Variants in ZNF521 observed in about 807,000 individuals in gnomAD.
ZNF521 encodes LYST-interacting protein 3.
A neutral mutation model predicts 105.5 loss-of-function variants in ZNF521; 14 were observed. That is an observed-to-expected ratio of 0.13 (90% CI 0.09 to 0.21). The LOEUF is 0.21. ZNF521 is among the 10% of genes least tolerant of loss of function. The pLI, the probability that ZNF521 is intolerant of heterozygous loss-of-function variation, is 1.00. For synonymous variants in ZNF521, 635 were observed against 606.0 expected, an observed-to-expected ratio of 1.05 and a Z score of -0.70; for missense variants, 1,233 against 1,629.7, an observed-to-expected ratio of 0.76 and a Z score of 4.19.
chr18:25,211,858 A>G (rs1443068343), intron 4 of ZNF521, among the ~76,000 whole-genome samples: 2 of 152,344 alleles, frequency 1.3e-5, no homozygotes, highest in East Asian at 1.9e-4. Flanking sequence ...CCTTTCACAC[A>G]TCTGTCTTTA....
chr18:25,161,433 T>A (rs2035249688), intron 5 of ZNF521, among the ~76,000 whole-genome samples: 1 of 152,046 alleles, frequency 6.6e-6, no homozygotes, highest in South Asian at 2.1e-4. Context: ...TGGAGGGGAA[T>A]GGTTGTTGGC....
At chr18:25,187,055 A>C (rs1383935644) in intron 5 of ZNF521, among the ~76,000 whole-genome samples, 1 of 152,172 alleles carries the variant, frequency 6.6e-6, no homozygotes, top group Non-Finnish European at 1.5e-5. Flanking sequence ...GTTTGGTTTA[A>C]AAAGCCTCAC....
rs564169354 is a variant in ZNF521 at position 25,197,506 on chromosome 18, T to A, written c.3574-2262A>T. On this transcript the variant is annotated intron_variant, in intron 4 of 7. Transcript: ENST00000361524. Reference sequence around the variant, plus strand: ...AGCATATCTCATTATAATTATAGATTATTCGCAAAATATTTGAGAGATCCC... The same window carrying A: ...AGCATATCTCATTATAATTATAGATAATTCGCAAAATATTTGAGAGATCCC... 2.0e-5 allele frequency among the ~76,000 whole-genome samples: 3 copies of A among 151,966 alleles called. No homozygotes were observed. The East Asian group carries it at 5.8e-4, about 29-fold the overall frequency.
intron 5 of ZNF521, among the ~76,000 whole-genome samples, chr18:25,144,815 A>G (rs2034913006): frequency 6.6e-6 from 1 of 152,234 alleles, no homozygotes; most frequent in Admixed American, 6.5e-5. Flanking sequence ...GCAGGAGGAA[A>G]GAGTGATTTT....
At chr18:25,160,061 G>A (rs1290413918) in intron 5 of ZNF521, among the ~76,000 whole-genome samples, 1 of 152,148 alleles carries the variant, frequency 6.6e-6, no homozygotes, top group Admixed American at 6.5e-5. Context: ...GTATGCAAAG[G>A]CACCAGACAA....
intron 2 of ZNF521, among the ~76,000 whole-genome samples, chr18:25,343,263 G>A (rs1371427415): frequency 6.6e-6 from 1 of 152,176 alleles, no homozygotes; most frequent in Admixed American, 6.5e-5. Flanking sequence ...GTGAAATAAT[G>A]AGACTCAATG....
chr18:25,267,373 G>C (rs1909341811), intron 3 of ZNF521, among the ~76,000 whole-genome samples: 2 of 152,202 alleles, frequency 1.3e-5, no homozygotes, highest in Non-Finnish European at 2.9e-5. Flanking sequence ...AAACGTCCCT[G>C]CCTGATGGCT....
chr18:25,109,190 T>G (rs2034134610), intron 5 of ZNF521, among the ~76,000 whole-genome samples: 1 of 152,166 alleles, frequency 6.6e-6, no homozygotes, highest in African/African-American at 2.4e-5. Flanking sequence ...TAGTTCCCAC[T>G]TATAAGTGAG....
chr18:25,102,280 AG>A (rs1261045388), intron 5 of ZNF521, among the ~76,000 whole-genome samples: 1 of 152,180 alleles, frequency 6.6e-6, no homozygotes, highest in African/African-American at 2.4e-5. Context: ...TTAAATTAAA[AG>A]ACATTCTAAT....
Position 25,224,450 on chromosome 18 carries a change from G to A in ZNF521, c.3468C>T (p.His1156=). 6.2e-7 allele frequency: 1 copy of A among 1,612,952 alleles called. No homozygotes were observed. Among genetic ancestry groups the A allele is most frequent in the Non-Finnish European group, 8.5e-7 (1 of 1,179,524 alleles). The change falls in exon 4 of 8, where the codon CAC becomes CAT. Residue 1156 remains histidine, a synonymous_variant. Transcript: ENST00000361524. ...KFESESELQN[H]IQTIHRELVP... ...CGAGCTCTCGGTGGATGGTTTGGATGTGGTTCTGGAGTTCACTTTCAGACT... is the reference window on the plus strand; with the variant it reads ...CGAGCTCTCGGTGGATGGTTTGGATATGGTTCTGGAGTTCACTTTCAGACT...
chr18:25,345,931 C>G (rs1914441056), intron 2 of ZNF521, among the ~76,000 whole-genome samples: 1 of 152,106 alleles, frequency 6.6e-6, no homozygotes, highest in Non-Finnish European at 1.5e-5. Context: ...GTAAAGCATA[C>G]ATTTCTGTAT....
intron 5 of ZNF521, among the ~76,000 whole-genome samples, chr18:25,097,080 C>T (rs1226907559): frequency 1.3e-5 from 2 of 152,130 alleles, no homozygotes; most frequent in African/African-American, 4.8e-5. Context: ...TCCAAGCACA[C>T]ATTTATAAGC....
intron 2 of ZNF521, among the ~76,000 whole-genome samples, chr18:25,322,513 T>C (rs1208431363): frequency 8.2e-6 from 1 of 122,554 alleles, no homozygotes; most frequent in African/African-American, 3.0e-5. Flanking sequence ...AAATCACTTT[T>C]AAAATTAAAC....
In ZNF521 at chr18:25,119,184, T is replaced by C. The variant is rs72887732; in HGVS notation, c.3659-27103A>G. The stretch of plus-strand genomic sequence containing the variant: ...TGGATATTTGAACGTCTCTTAGCAA[T>C]TAAAAAGACAATCTTATAATCACAT... On this transcript the variant is annotated intron_variant, in intron 5 of 7. Coordinates refer to ENST00000361524, the MANE Select transcript of ZNF521 (RefSeq NM_015461.3). Among the ~76,000 whole-genome samples the C allele has an allele frequency of 4.9e-3, 752 of 152,238 alleles. 2 individuals are homozygous for C. The highest frequency in any genetic ancestry group is 0.01 in the Middle Eastern group (3 of 294).
chr18:25,188,268 G>T (rs1313072953), intron 5 of ZNF521, among the ~76,000 whole-genome samples: 1 of 152,084 alleles, frequency 6.6e-6, no homozygotes, highest in Non-Finnish European at 1.5e-5. Flanking sequence ...AATTCTAAAG[G>T]TGACCTACGA....
chr18:25,256,847 G>A lies in ZNF521; in HGVS notation c.221-29150C>T, dbSNP rs150508326. Among the ~76,000 whole-genome samples, 14 of 152,250 alleles carry A rather than the reference G, an allele frequency of 9.2e-5. No individual in the cohort carries two copies. In the East Asian group the frequency reaches 2.5e-3, roughly 27 times the overall value. On this transcript the variant is annotated intron_variant, in intron 3 of 7. Coordinates refer to ENST00000361524, the MANE Select transcript of ZNF521 (RefSeq NM_015461.3). ...ACTGAGTTCACTATGGCAGAACAAG[G>A]TGTAGAGCATCTCACAGAAGGACAG...
At chr18:25,094,841 T>C (rs2033820143) in intron 5 of ZNF521, among the ~76,000 whole-genome samples, 1 of 152,094 alleles carries the variant, frequency 6.6e-6, no homozygotes, top group Admixed American at 6.6e-5. Context: ...GTCAAATGTA[T>C]AATGAGAAAG....
intron 5 of ZNF521, among the ~76,000 whole-genome samples, chr18:25,168,913 C>G (rs890458293): frequency 1.3e-5 from 2 of 151,820 alleles, no homozygotes; most frequent in African/African-American, 4.8e-5. Flanking sequence ...AGTACACAAA[C>G]TGTATCACTG....
chr18:25,093,566 T>C (rs1424746185), intron 5 of ZNF521, among the ~76,000 whole-genome samples: 1 of 152,176 alleles, frequency 6.6e-6, no homozygotes, highest in African/African-American at 2.4e-5. Context: ...GTAAAATCAC[T>C]CTATTTGTAT....
Sources: allele counts gnomAD v4.1 joint callset (sites outside exome capture counted in the v4.1 genomes callset), GRCh38; gene constraint gnomAD v4.1.1; transcripts MANE v1.5; gene names NCBI Gene and HGNC (gene_info 2026-07-23, HGNC 2026-07-21).